MZT2A: variants seen among roughly 807,000 people sequenced by gnomAD.
MZT2A encodes the protein mitotic-spindle organizing protein 2A.
MZT2A carries 8 observed loss-of-function variants against 12.4 expected under a neutral mutation model. The ratio of observed to expected loss-of-function variants is 0.64; its 90% CI spans 0.38 to 1.16. MZT2A has a LOEUF of 1.16. Among genes scored for constraint, MZT2A ranks in the 50% most tolerant of loss-of-function variants. The pLI is 0.01. For missense variants in MZT2A, 181 were observed against 223.6 expected (o/e 0.81, Z 1.22); for synonymous variants, 88 against 107.5 (o/e 0.82, Z 1.12).
upstream of MZT2A, among the ~76,000 whole-genome samples, chr2:131,493,477 G>A (rs574681862): frequency 4.6e-5 from 7 of 152,236 alleles, no homozygotes; most frequent in East Asian, 1.4e-3. Flanking sequence ...GGGAGGAAGA[G>A]CCGGGTGTGG....
At chr2:131,485,482 C>A (rs1679018138) in intron 2 of MZT2A, among the ~76,000 whole-genome samples, 1 of 152,162 alleles carries the variant, frequency 6.6e-6, no homozygotes, top group Admixed American at 6.5e-5. Context: ...CTAGGCACAA[C>A]CTCTTTCCTG....
chr2:131,486,569 C>T (rs1373585983), intron 2 of MZT2A: 1 of 151,952 alleles, frequency 6.6e-6, no homozygotes, highest in Non-Finnish European at 1.5e-5. Context: ...CTTCTGGAAA[C>T]AAGGATGACA....
At chr2:131,493,739 T>G (rs1244451752), upstream of MZT2A, among the ~76,000 whole-genome samples, 1 of 147,116 alleles carries the variant, frequency 6.8e-6, no homozygotes, top group Non-Finnish European at 1.5e-5. Context: ...TGTTGGAGAG[T>G]CGCGACGAAG....
At position 131,484,234 on chromosome 2, in the gene MZT2A, G is replaced by A. The variant is rs1216474159; in HGVS notation, c.320-16C>T. Reference sequence around the variant, plus strand: ...TTGTCTCTCCCTAAGGAGACACAAAGCACAATGATTAGGAATGGACGCGCC... The same window carrying A: ...TTGTCTCTCCCTAAGGAGACACAAAACACAATGATTAGGAATGGACGCGCC... On this transcript the variant is annotated splice_polypyrimidine_tract_variant and intron_variant, in intron 2 of 2. Coordinates refer to ENST00000309451, the MANE Select transcript of MZT2A (RefSeq NM_001085365.2). The A allele has an allele frequency of 6.2e-7, 1 of 1,612,082 alleles. No individual in the cohort carries two copies. Among genetic ancestry groups the A allele is most frequent in the East Asian group, 2.2e-5 (1 of 44,814 alleles).
chr2:131,475,318 CCT>C (rs1678619677), intron 2 of MZT2A, among the ~76,000 whole-genome samples: 2 of 110,258 alleles, frequency 1.8e-5, no homozygotes, highest in Non-Finnish European at 3.5e-5. Flanking sequence ...CTCCTTTCTT[CCT>C]TTTTTTTTTT....
At chr2:131,492,994 T>C, upstream of MZT2A, 1 of 1,505,266 alleles carries the variant, frequency 6.6e-7, no homozygotes, top group Non-Finnish European at 9.0e-7. Flanking sequence ...GCACGTACCT[T>C]TTGAGGTAAC....
chr2:131,492,967 G>T, upstream of MZT2A: 1 of 1,522,274 alleles, frequency 6.6e-7, no homozygotes, highest in South Asian at 1.2e-5. Flanking sequence ...CCGGCCGGCC[G>T]GCCTTCTTCG....
downstream of MZT2A, among the ~76,000 whole-genome samples, chr2:131,479,130 T>C (rs1363403810): frequency 6.6e-6 from 1 of 152,258 alleles, no homozygotes; most frequent in African/African-American, 2.4e-5. Context: ...AAATTGCATA[T>C]GCAGTTTGGT....
At chr2:131,489,945 C>T in intron 2 of MZT2A, 1 of 977,268 alleles carries the variant, frequency 1.0e-6, no homozygotes, top group Non-Finnish European at 1.2e-6. Context: ...AGCAACATCT[C>T]CTGGAGTGAC....
intron 3 of MZT2A, chr2:131,470,375 G>A (rs1704956093): frequency 1.6e-6 from 2 of 1,244,502 alleles, no homozygotes; most frequent in African/African-American, 2.1e-5. Context: ...TTTTATGTTT[G>A]CTTAACAAAG....
At chr2:131,482,929 A>C, downstream of MZT2A, 1 of 1,552,938 alleles carries the variant, frequency 6.4e-7, no homozygotes, top group Non-Finnish European at 8.7e-7. Flanking sequence ...TTCTGTATAA[A>C]ACCAAGCCCT....
intron 2 of MZT2A, among the ~76,000 whole-genome samples, chr2:131,475,182 C>T (rs1187380720): frequency 6.6e-6 from 1 of 151,878 alleles, no homozygotes; most frequent in African/African-American, 2.4e-5. Context: ...GGTCTCACCA[C>T]GTTGCCCAGG....
At chr2:131,490,400 G>C in intron 2 of MZT2A, 11 of 1,201,470 alleles carry the variant, frequency 9.2e-6, no homozygotes, top group East Asian at 4.3e-5. Context: ...CTCTCCAGCA[G>C]AGCACACTGC....
chr2:131,491,663 C>T (rs993462906), intron 2 of MZT2A: 5 of 816,142 alleles, frequency 6.1e-6, no homozygotes, highest in Admixed American at 3.0e-5. Context: ...CCCTGGGGCA[C>T]GCACTCTGCG....
At chr2:131,487,087 G>A (rs1679079928) in intron 2 of MZT2A, among the ~76,000 whole-genome samples, 3 of 152,174 alleles carry the variant, frequency 2.0e-5, no homozygotes, top group Admixed American at 2.0e-4. Flanking sequence ...TGTGGCTGCA[G>A]GTTGGGGTGT....
At chr2:131,492,970 C>G, upstream of MZT2A, 1 of 1,525,172 alleles carries the variant, frequency 6.6e-7, no homozygotes, top group Non-Finnish European at 8.8e-7. Context: ...GCCGGCCGGC[C>G]TTCTTCGCTT....
At chr2:131,492,631 G>C, upstream of MZT2A, 1 of 1,224,780 alleles carries the variant, frequency 8.2e-7, no homozygotes, top group South Asian at 1.8e-5. Flanking sequence ...GGCGGTCAGG[G>C]CGTCCCTGAT....
intron 2 of MZT2A, among the ~76,000 whole-genome samples, chr2:131,477,978 ATGG>A (rs1678730598): frequency 6.6e-6 from 1 of 152,188 alleles, no homozygotes; most frequent in South Asian, 2.1e-4. Flanking sequence ...ACTAGCTAGT[ATGG>A]TTTACAGCAA....
intron 2 of MZT2A, chr2:131,490,645 G>C: frequency 6.5e-7 from 1 of 1,549,034 alleles, no homozygotes; most frequent in Non-Finnish European, 8.7e-7. Context: ...TGGGCCTCTT[G>C]GGGCCATGCA....
Sources: gnomAD v4.1 joint callset for allele counts (sites outside exome capture counted in the v4.1 genomes callset) on GRCh38, gnomAD v4.1.1 for gene constraint, MANE v1.5 for transcripts, NCBI Gene and HGNC (gene_info 2026-07-23, HGNC 2026-07-21) for gene names.